DPP6: variants seen among roughly 807,000 people sequenced by gnomAD.
DPP6 encodes the protein dipeptidyl peptidase like 6.
In DPP6, 69 loss-of-function variants were observed where a neutral mutation model predicts 122.6. The observed-to-expected ratio is 0.56, with a 90% CI of 0.46 to 0.69. DPP6 has a LOEUF of 0.69. DPP6 is among the 30% of genes least tolerant of loss of function. The pLI is 0.00. For synonymous variants in DPP6, 418 were observed against 433.1 expected, an observed-to-expected ratio of 0.97 and a Z score of 0.43; for missense variants, 928 against 1,116.9, an observed-to-expected ratio of 0.83 and a Z score of 2.41.
intron 1 of DPP6, among the ~76,000 whole-genome samples, chr7:154,081,620 G>A (rs1804019653): frequency 1.3e-5 from 2 of 148,534 alleles, no homozygotes; most frequent in Admixed American, 6.7e-5. Context: ...TTCATGATCC[G>A]TGGTGGGATT....
chr7:154,762,059 G>T (rs546785391), intron 8 of DPP6, among the ~76,000 whole-genome samples: 1 of 152,316 alleles, frequency 6.6e-6, no homozygotes, highest in Non-Finnish European at 1.5e-5. Context: ...ACAGCACGGA[G>T]TAGATGGTGC....
chr7:154,795,621 C>T (rs553446929), intron 11 of DPP6, among the ~76,000 whole-genome samples: 5 of 152,114 alleles, frequency 3.3e-5, no homozygotes, highest in African/African-American at 1.2e-4. Context: ...TTTTCTAATT[C>T]GAGGACGCTT....
chr7:154,525,512 G>C (rs1361934386), intron 3 of DPP6, among the ~76,000 whole-genome samples: 1 of 152,132 alleles, frequency 6.6e-6, no homozygotes, highest in African/African-American at 2.4e-5. Context: ...GAAAATCTTA[G>C]CTCCTAATAA....
At chr7:154,375,540 G>C (rs1813056432) in intron 1 of DPP6, among the ~76,000 whole-genome samples, 1 of 152,160 alleles carries the variant, frequency 6.6e-6, no homozygotes, top group Non-Finnish European at 1.5e-5. Context: ...GGTCATGAAG[G>C]CGTGGCCCCA....
At chr7:154,803,820 G>C (rs544406727) in intron 13 of DPP6, 44 bp from the exon 14 acceptor site, 3 of 1,591,942 alleles carry the variant, frequency 1.9e-6, no homozygotes, top group Non-Finnish European at 1.7e-6. Context: ...TGCTGGGGCC[G>C]GGACACCGGT....
chr7:153,782,090 C>T, the DPP6 span, among the ~76,000 whole-genome samples: 7 of 151,256 alleles, frequency 4.6e-5, no homozygotes, highest in African/African-American at 1.5e-4. Flanking sequence ...TTCTCTTCAA[C>T]GTCTGTGCAC....
intron 7 of DPP6, 95 bp downstream of exon 7, chr7:154,669,536 T>C: frequency 7.3e-7 from 1 of 1,365,336 alleles, no homozygotes; most frequent in Non-Finnish European, 9.5e-7. Context: ...CTGTACATGG[T>C]GTTGTGTGTG....
chr7:154,133,437 G>A (rs1251365509), intron 1 of DPP6, among the ~76,000 whole-genome samples: 3 of 152,274 alleles, frequency 2.0e-5, no homozygotes, highest in East Asian at 3.9e-4. Flanking sequence ...TTCTGAGGGA[G>A]TGGAAGATAG....
chr7:154,646,434 C>G (rs1276720774), intron 6 of DPP6, among the ~76,000 whole-genome samples: 4 of 152,284 alleles, frequency 2.6e-5, no homozygotes, highest in African/African-American at 9.6e-5. Context: ...CCCACACATG[C>G]GCACTACAGA....
the DPP6 span, among the ~76,000 whole-genome samples, chr7:153,796,551 G>GAC: frequency 6.6e-6 from 1 of 152,080 alleles, no homozygotes; most frequent in African/African-American, 2.4e-5. Flanking sequence ...TGAGTGATAG[G>GAC]AGTGTTTTTG....
chr7:154,289,036 G>T (rs1358008783), intron 1 of DPP6, among the ~76,000 whole-genome samples: 1 of 152,176 alleles, frequency 6.6e-6, no homozygotes, highest in Non-Finnish European at 1.5e-5. Flanking sequence ...TGTTTGAAAA[G>T]GACGGCTTGC....
intron 1 of DPP6, among the ~76,000 whole-genome samples, chr7:154,098,353 C>T (rs1255784896): frequency 2.0e-5 from 3 of 152,124 alleles, no homozygotes; most frequent in African/African-American, 7.2e-5. Context: ...AATTAAACCT[C>T]TTTTCTTTAT....
intron 8 of DPP6, among the ~76,000 whole-genome samples, chr7:154,765,107 CG>C (rs1390812718): frequency 6.6e-6 from 1 of 152,178 alleles, no homozygotes; most frequent in Non-Finnish European, 1.5e-5. Context: ...TGAGATCATT[CG>C]GCATTCGTCT....
chr7:154,075,806 AATAAAC>A (rs1381570370), intron 1 of DPP6, among the ~76,000 whole-genome samples: 2 of 145,886 alleles, frequency 1.4e-5, no homozygotes, highest in African/African-American at 5.1e-5. Flanking sequence ...AAACTATTGA[AATAAAC>A]ATAAAATAAA....
intron 2 of DPP6, among the ~76,000 whole-genome samples, chr7:154,462,841 C>T (rs1563710408): frequency 1.4e-5 from 2 of 142,494 alleles, no homozygotes; most frequent in South Asian, 2.5e-4. Flanking sequence ...TGATGTTCCC[C>T]TTCCTGTGTC....
Position 153,995,442 on chromosome 7 carries a change from C to A in DPP6, c.51+107708C>A, listed in dbSNP as rs562036820. Among the ~76,000 whole-genome samples the A allele has an allele frequency of 1.4e-3, 213 of 151,964 alleles. 1 individual carries two copies. Among genetic ancestry groups the A allele is most frequent in the African/African-American group, 5.1e-3 (210 of 41,496 alleles). ...TCTACTAAAAATACAAAAAATTAGC[C>A]AGGGGTGGTGGCGGATGCCTGTAGT... On this transcript the variant is annotated intron_variant, in intron 1 of 25. Transcript: ENST00000404039.
intron 16 of DPP6, among the ~76,000 whole-genome samples, chr7:154,820,376 A>G (rs1799684230): frequency 6.6e-6 from 1 of 152,222 alleles, no homozygotes; most frequent in Admixed American, 6.5e-5. Context: ...GCTGCTGTGA[A>G]AATGAAGGAA....
chr7:154,799,404 C>T lies in DPP6; in HGVS notation c.1300-1951C>T, dbSNP rs531854200. 1.2e-3 allele frequency among the ~76,000 whole-genome samples: 178 copies of T among 152,312 alleles called. 1 individual carries two copies. Among genetic ancestry groups the T allele is most frequent in the African/African-American group, 3.9e-3 (162 of 41,572 alleles). ...CCACATACACACCCTGTCACTGCTG[C>T]GCTGACCCTGCAGAGTCAGTCCTGA... On this transcript the variant is annotated intron_variant, in intron 12 of 25. Coordinates refer to ENST00000377770, the MANE Select transcript of DPP6 (RefSeq NM_130797.4).
intron 10 of DPP6, among the ~76,000 whole-genome samples, chr7:154,780,534 G>T (rs1312900626): frequency 6.6e-6 from 1 of 152,206 alleles, no homozygotes; most frequent in Admixed American, 6.5e-5. Flanking sequence ...ATATCTTCCA[G>T]CTAGCAAAAC....
Sources: gnomAD v4.1 joint callset for allele counts (sites outside exome capture counted in the v4.1 genomes callset) on GRCh38, gnomAD v4.1.1 for gene constraint, MANE v1.5 for transcripts, NCBI Gene and HGNC (gene_info 2026-07-23, HGNC 2026-07-21) for gene names.